The following COL19A1 variants were observed in gnomAD, a reference collection of about 807,000 sequenced individuals.
COL19A1 encodes the protein collagen alpha-1(XIX) chain.
A neutral mutation model predicts 190.2 loss-of-function variants in COL19A1; 159 were observed. The observed-to-expected ratio is 0.84, with a 90% CI of 0.73 to 0.95. The LOEUF (loss-of-function observed/expected upper bound fraction) is 0.95, where lower values mean the gene tolerates loss of function less well. Ranked by LOEUF, COL19A1 falls within the 40% of genes least tolerant of loss-of-function variation. COL19A1 has a pLI of 0.00. For missense variants in COL19A1, 1,418 were observed against 1,431.9 expected (o/e 0.99, Z 0.16); for synonymous variants, 509 against 458.9 (o/e 1.11, Z -1.39).
In COL19A1 at chr6:69,991,741, G is replaced by C. The variant is rs576580097; in HGVS notation, c.1026+28871G>C. On this transcript the variant is annotated intron_variant, in intron 11 of 50. Coordinates refer to ENST00000620364, the MANE Select transcript of COL19A1 (RefSeq NM_001858.6). ...GCCCATTTTTTAATGGGGTTATTTG[G>C]TATTTACTTGTCCACTTGTTTAACT... 5.9e-5 allele frequency among the ~76,000 whole-genome samples: 9 copies of C among 151,884 alleles called. No homozygotes were observed. In the South Asian group the frequency reaches 1.9e-3, roughly 32 times the overall value.
chr6:70,156,136 G>T lies in COL19A1; in HGVS notation c.2089G>T (p.Gly697Cys), dbSNP rs779512747. 4 of 1,612,686 alleles carry T rather than the reference G, an allele frequency of 2.5e-6. No homozygotes were observed. Among genetic ancestry groups the T allele is most frequent in the Non-Finnish European group, 3.4e-6 (4 of 1,179,338 alleles). ...TCTTTATACTCATTAGAATTTCTGT[G>T]GCAACTGCCAAGCCAGTGTCCCAGG... is the stretch of plus-strand genomic sequence containing the variant. ...DIGALLKNFC[G>C]NCQASVPGLK... The change falls in exon 32 of 51, where the codon GGC becomes TGC. Residue 697 changes from glycine to cysteine, a missense_variant. Physicochemically the swap from Gly to Cys is radical, Grantham distance 159. Coordinates refer to ENST00000620364, the MANE Select transcript of COL19A1 (RefSeq NM_001858.6).
At chr6:69,957,681 T>C (rs796786346) in intron 9 of COL19A1, among the ~76,000 whole-genome samples, 3 of 152,316 alleles carry the variant, frequency 2.0e-5, no homozygotes, top group Admixed American at 6.5e-5. Context: ...ATCTTATTTC[T>C]TCTTGGACTG....
intron 2 of COL19A1, among the ~76,000 whole-genome samples, chr6:69,895,526 A>G (rs912793092): frequency 6.6e-6 from 1 of 152,230 alleles, no homozygotes; most frequent in Non-Finnish European, 1.5e-5. Context: ...AAGGAAAGGC[A>G]GAAACAGGGA....
chr6:69,891,577 C>T (rs1472820099), intron 2 of COL19A1, among the ~76,000 whole-genome samples: 1 of 152,198 alleles, frequency 6.6e-6, no homozygotes, highest in Non-Finnish European at 1.5e-5. Flanking sequence ...GAAGAATGTC[C>T]TCTTTCCCTC....
At chr6:70,065,194 C>G (rs897568310) in intron 14 of COL19A1, among the ~76,000 whole-genome samples, 1 of 152,174 alleles carries the variant, frequency 6.6e-6, no homozygotes, top group Non-Finnish European at 1.5e-5. Context: ...ATCATGCTAC[C>G]TAACTTCAGA....
At chr6:70,043,510 A>G (rs2150125580) in intron 14 of COL19A1, among the ~76,000 whole-genome samples, 1 of 152,298 alleles carries the variant, frequency 6.6e-6, no homozygotes, top group Admixed American at 6.5e-5. Context: ...TATTTCTTAA[A>G]TAATAAGTCT....
At chr6:69,899,116 G>T in intron 3 of COL19A1, 94 bp downstream of exon 3, 1 of 754,054 alleles carries the variant, frequency 1.3e-6, no homozygotes, top group Non-Finnish European at 2.2e-6. Flanking sequence ...CTTTGATACT[G>T]CAATTTAAGA....
intron 14 of COL19A1, among the ~76,000 whole-genome samples, chr6:70,042,369 G>C (rs1427906902): frequency 6.6e-6 from 1 of 152,106 alleles, no homozygotes; most frequent in Non-Finnish European, 1.5e-5. Context: ...GTATATAAAA[G>C]TTATGTTTAT....
At chr6:70,010,653 G>T (rs1370546547) in intron 11 of COL19A1, among the ~76,000 whole-genome samples, 2 of 138,680 alleles carry the variant, frequency 1.4e-5, no homozygotes, top group Admixed American at 7.1e-5. Flanking sequence ...TTTTCAGACC[G>T]GCTTAAGAAA....
intron 11 of COL19A1, among the ~76,000 whole-genome samples, chr6:69,967,115 T>C (rs1254342621): frequency 3.3e-5 from 5 of 152,232 alleles, no homozygotes; most frequent in African/African-American, 7.2e-5. Context: ...CTAAATATCA[T>C]TTGATTGTGA....
At chr6:70,042,038 C>T (rs71559569) in intron 14 of COL19A1, among the ~76,000 whole-genome samples, 1 of 152,004 alleles carries the variant, frequency 6.6e-6, no homozygotes, top group African/African-American at 2.4e-5. Flanking sequence ...GCACTCCAGC[C>T]TAGGTGACAT....
intron 14 of COL19A1, among the ~76,000 whole-genome samples, chr6:70,053,428 A>G (rs763211841): frequency 3.3e-5 from 5 of 152,058 alleles, no homozygotes; most frequent in African/African-American, 7.2e-5. Context: ...GTCACATACT[A>G]CCCATGTTAC....
chr6:70,135,180 A>G (rs1457455541), intron 18 of COL19A1, among the ~76,000 whole-genome samples: 3 of 152,174 alleles, frequency 2.0e-5, no homozygotes, highest in African/African-American at 4.8e-5. Flanking sequence ...CCAAGCTTCC[A>G]TGCCCTCCCT....
chr6:69,982,836 G>C (rs1361615891), intron 11 of COL19A1, among the ~76,000 whole-genome samples: 1 of 151,420 alleles, frequency 6.6e-6, no homozygotes, highest in African/African-American at 2.4e-5. Flanking sequence ...GCCGGGCTTG[G>C]TGGTGGGCGC....
At chr6:70,064,751 A>G (rs1781071683) in intron 14 of COL19A1, among the ~76,000 whole-genome samples, 2 of 152,232 alleles carry the variant, frequency 1.3e-5, no homozygotes, top group South Asian at 4.1e-4. Flanking sequence ...TTGATAAGCA[A>G]CTTCAGCAAA....
At chr6:69,867,792 C>T (rs1390146911) in intron 1 of COL19A1, among the ~76,000 whole-genome samples, 1 of 152,116 alleles carries the variant, frequency 6.6e-6, no homozygotes, top group Non-Finnish European at 1.5e-5. Context: ...GCCTTGTCAG[C>T]CTCAGGGGAC....
intron 4 of COL19A1, among the ~76,000 whole-genome samples, chr6:69,902,583 A>G (rs1261331159): frequency 6.6e-6 from 1 of 152,222 alleles, no homozygotes; most frequent in Non-Finnish European, 1.5e-5. Context: ...TCTCTGGATA[A>G]CAACGCAGTA....
intron 49 of COL19A1, among the ~76,000 whole-genome samples, chr6:70,204,898 A>G (rs749540643): frequency 4.6e-5 from 7 of 152,182 alleles, no homozygotes; most frequent in Non-Finnish European, 8.8e-5. Context: ...AGAAATGTTT[A>G]AGTAATGGAT....
intron 15 of COL19A1, among the ~76,000 whole-genome samples, chr6:70,096,702 G>T (rs1783297169): frequency 6.6e-6 from 1 of 152,200 alleles, no homozygotes; most frequent in South Asian, 2.1e-4. Context: ...TGAGCTGCAA[G>T]ATATAAGGTG....
Sources: allele counts gnomAD v4.1 joint callset (sites outside exome capture counted in the v4.1 genomes callset), GRCh38; gene constraint gnomAD v4.1.1; transcripts MANE v1.5; gene names NCBI Gene and HGNC (gene_info 2026-07-23, HGNC 2026-07-21).